The following NCOR2 variants were observed in gnomAD, a reference collection of about 807,000 sequenced individuals.
NCOR2 encodes the protein CTG repeat protein 26.
In NCOR2, 81 loss-of-function variants were observed where a neutral mutation model predicts 262.9. The observed-to-expected ratio is 0.31, with a 90% CI of 0.26 to 0.37. The LOEUF (loss-of-function observed/expected upper bound fraction) is 0.37. Ranked by LOEUF, NCOR2 falls within the 10% of genes least tolerant of loss-of-function variation. The pLI is 1.00. For missense variants in NCOR2, 3,385 were observed against 3,621.4 expected (o/e 0.93, Z 1.68); for synonymous variants, 1,659 against 1,559.3 (o/e 1.06, Z -1.51).
At chr12:124,526,493 T>C (rs2050476236) in intron 1 of NCOR2, among the ~76,000 whole-genome samples, 1 of 152,098 alleles carries the variant, frequency 6.6e-6, no homozygotes, top group Admixed American at 6.5e-5. Context: ...AGAGGCACCA[T>C]GGAGGGAACA....
At chr12:124,340,467 C>T in intron 35 of NCOR2, 24 bp from the exon 38 acceptor site, 1 of 1,607,704 alleles carries the variant, frequency 6.2e-7, no homozygotes, top group Non-Finnish European at 8.5e-7. Flanking sequence ...AGGCCAGAGA[C>T]TCAGCCCCAG....
exon 2 of NCOR2, chr12:124,486,561 C>T: frequency 3.2e-6 from 5 of 1,573,804 alleles, no homozygotes; most frequent in Non-Finnish European, 4.3e-6. Context: ...CTCCAGGAGC[C>T]CGACGTCCTG....
In NCOR2 at chr12:124,389,002, G is replaced by A. The variant is rs940835426; in HGVS notation, c.1877-3115C>T. On this transcript the variant is annotated intron_variant, in intron 16 of 46. Transcript: ENST00000405201. This position sits in a 1 kb window ranked among gnomAD's most constrained non-coding sequence, Gnocchi z 4.4. ...TGTGGTGGCCCGGGGCTCCTCCAGC[G>A]GCCGCTGCCACCTCTGACGCCGTCC... Among the ~76,000 whole-genome samples the A allele has an allele frequency of 7.2e-5, 11 of 152,032 alleles. No homozygotes were observed. The highest frequency in any genetic ancestry group is 2.7e-4 in the African/African-American group (11 of 41,398).
At position 124,517,165 on chromosome 12, in the gene NCOR2, C is replaced by T. The variant is rs906180152; in HGVS notation, c.-118+18400G>A. Among the ~76,000 whole-genome samples the T allele has an allele frequency of 2.6e-5, 4 of 151,530 alleles. No homozygotes were observed. The highest frequency in any genetic ancestry group is 1.3e-4 in the Admixed American group (2 of 15,232). ...TGAGGTCTGCAAAGGGGAGGCAACA[C>T]GCCCAAGGTCACACAGCATAGAGAG... On this transcript the variant is annotated intron_variant, in intron 1 of 46. Coordinates refer to the NCOR2 transcript ENST00000404621. This position sits in a 1 kb window ranked among gnomAD's most constrained non-coding sequence, Gnocchi z 7.6.
chr12:124,416,954 A>C (rs1380716607), intron 13 of NCOR2, among the ~76,000 whole-genome samples: 1 of 152,234 alleles, frequency 6.6e-6, no homozygotes, highest in African/African-American at 2.4e-5. Flanking sequence ...GAAGCTCCCC[A>C]TGTCCTGCAC....
intron 7 of NCOR2, among the ~76,000 whole-genome samples, chr12:124,449,290 T>C (rs561178678): frequency 2.6e-5 from 4 of 152,312 alleles, no homozygotes; most frequent in Admixed American, 6.5e-5. Context: ...ATACATCACA[T>C]TGGCCACCTC....
chr12:124,448,771 C>T (rs1246480770), intron 7 of NCOR2, among the ~76,000 whole-genome samples: 6 of 152,196 alleles, frequency 3.9e-5, no homozygotes, highest in African/African-American at 1.2e-4. Flanking sequence ...AAGGTTTGCA[C>T]GCTTTCAGGA....
chr12:124,557,381 T>C (rs2051916820), intron 1 of NCOR2, among the ~76,000 whole-genome samples: 1 of 152,186 alleles, frequency 6.6e-6, no homozygotes, highest in African/African-American at 2.4e-5. Context: ...GTCCTGAGCC[T>C]TCCTCCCAGC....
intron 4 of NCOR2, among the ~76,000 whole-genome samples, chr12:124,470,210 G>A (rs1043787105): frequency 4.0e-5 from 6 of 151,710 alleles, no homozygotes; most frequent in Non-Finnish European, 7.4e-5. Context: ...GTGAGGATGT[G>A]GAAAACCAGG....
At chr12:124,335,386 G>T in intron 39 of NCOR2, 97 bp downstream of exon 41, 1 of 1,511,432 alleles carries the variant, frequency 6.6e-7, no homozygotes. Context: ...CCAATTCCTT[G>T]GCCTTTAGGC....
At chr12:124,476,735 G>A (rs1054638004) in intron 3 of NCOR2, among the ~76,000 whole-genome samples, 5 of 151,972 alleles carry the variant, frequency 3.3e-5, no homozygotes, top group African/African-American at 9.7e-5. Flanking sequence ...GCTTTTATTC[G>A]CAGCAAAATT....
At chr12:124,377,066 C>G (rs1182483425) in intron 18 of NCOR2, among the ~76,000 whole-genome samples, 3 of 152,302 alleles carry the variant, frequency 2.0e-5, no homozygotes, top group Non-Finnish European at 2.9e-5. Flanking sequence ...GCACTCGTGA[C>G]CGAGAGTGCG....
chr12:124,495,569 G>A (rs529703381), upstream of NCOR2, among the ~76,000 whole-genome samples: 8 of 152,154 alleles, frequency 5.3e-5, no homozygotes, highest in East Asian at 3.9e-4. This position sits in a 1 kb window ranked among gnomAD's most constrained non-coding sequence, Gnocchi z 4.4. Flanking sequence ...AGGTCCCTCC[G>A]AGCCATGCAA....
chr12:124,362,144 G>A lies in NCOR2; in HGVS notation c.3082C>T (p.Pro1028Ser). 3 of 1,302,714 alleles carry A rather than the reference G, an allele frequency of 2.3e-6. No individual in the cohort carries two copies. The highest frequency in any genetic ancestry group is 3.1e-5 in the South Asian group (1 of 31,838). The allele number at this position is 1,302,714 out of a possible 1,614,324, so 80.7% of individuals were successfully genotyped here. ...CACTCACCCTCCTTGTCGGCGGGGG[G>A]TGCCGGGCTCCTGCTCTTGCCCCGG... The change falls in exon 22 of 47, where the codon CCC (proline) becomes TCC (serine). Residue 1028 changes from proline to serine, a missense_variant. Physicochemically the swap from Pro to Ser is moderately conservative, Grantham distance 74. Coordinates refer to ENST00000405201, the Ensembl canonical transcript of NCOR2.
At chr12:124,326,223 T>C in exon 46 of NCOR2, 2 of 1,539,288 alleles carry the variant, frequency 1.3e-6, no homozygotes, top group South Asian at 2.4e-5. Flanking sequence ...CCACACGCGG[T>C]TGGTGAGCGG....
intron 37 of NCOR2, among the ~76,000 whole-genome samples, chr12:124,338,821 C>T (rs1052920153): frequency 6.6e-6 from 1 of 152,032 alleles, no homozygotes; most frequent in Non-Finnish European, 1.5e-5. Context: ...AACTCATCGT[C>T]CATCCACTGG....
At chr12:124,357,480 G>A (rs1158900126) in intron 22 of NCOR2, among the ~76,000 whole-genome samples, 1 of 152,174 alleles carries the variant, frequency 6.6e-6, no homozygotes, top group East Asian at 1.9e-4. Context: ...TGTTTTTGTA[G>A]AGATGAGGTC....
intron 1 of NCOR2, 39 bp from the exon 4 acceptor site, chr12:124,486,607 C>A: frequency 6.5e-7 from 1 of 1,537,742 alleles, no homozygotes. Flanking sequence ...CGTGGGCGGG[C>A]ACGGGCATGG....
intron 1 of NCOR2, among the ~76,000 whole-genome samples, chr12:124,519,785 C>T (rs1252565687): frequency 6.6e-6 from 1 of 152,196 alleles, no homozygotes; most frequent in Non-Finnish European, 1.5e-5. Flanking sequence ...AAGCGGGTCC[C>T]CTGGTTCACC....
Sources: gnomAD v4.1 joint callset for allele counts (sites outside exome capture counted in the v4.1 genomes callset) on GRCh38, gnomAD v4.1.1 for gene constraint, Gnocchi (gnomAD v3.1) non-coding constraint, MANE v1.5 for transcripts, NCBI Gene and HGNC (gene_info 2026-07-23, HGNC 2026-07-21) for gene names.